Variants in XRCC4 observed in about 807,000 individuals in gnomAD.
XRCC4 encodes the protein X-ray repair cross complementing 4, also known as DNA repair protein XRCC4.
XRCC4 carries 28 observed loss-of-function variants against 39.1 expected under a neutral mutation model. The observed-to-expected ratio is 0.72, with a 90% CI of 0.53 to 0.98. XRCC4 has a LOEUF of 0.98. Among genes scored for constraint, XRCC4 ranks in the 50% least tolerant of loss-of-function variants. XRCC4 has a pLI of 0.00. For missense variants in XRCC4, 350 were observed against 376.4 expected, an observed-to-expected ratio of 0.93 and a Z score of 0.58; for synonymous variants, 123 against 126.4, an observed-to-expected ratio of 0.97 and a Z score of 0.18.
intron 7 of XRCC4, among the ~76,000 whole-genome samples, chr5:83,323,786 T>C (rs1415029440): frequency 1.3e-5 from 2 of 152,082 alleles, no homozygotes; most frequent in African/African-American, 4.8e-5. Flanking sequence ...TTTTGAAATA[T>C]GTTTTCAAGG....
intron 3 of XRCC4, among the ~76,000 whole-genome samples, chr5:83,171,482 TA>T (rs368717293): frequency 1.3e-5 from 2 of 150,428 alleles, no homozygotes; most frequent in African/African-American, 2.4e-5. Flanking sequence ...AACTTACACT[TA>T]AAAAAAAAAT....
chr5:83,168,339 G>T (rs896847714), intron 3 of XRCC4, among the ~76,000 whole-genome samples: 4 of 152,126 alleles, frequency 2.6e-5, no homozygotes, highest in African/African-American at 9.7e-5. Flanking sequence ...TCTGGAGAAT[G>T]TGTATTCACC....
At chr5:83,134,247 G>A (rs898364877) in intron 3 of XRCC4, among the ~76,000 whole-genome samples, 4 of 152,228 alleles carry the variant, frequency 2.6e-5, no homozygotes, top group Admixed American at 2.6e-4. Context: ...CGCGGTGAGT[G>A]CCAGTGAGAG....
At chr5:83,094,342 G>C (rs73138168) in intron 1 of XRCC4, among the ~76,000 whole-genome samples, 57 of 66,802 alleles carry the variant, frequency 8.5e-4, no homozygotes, top group African/African-American at 3.1e-3. Flanking sequence ...CCTTCCCTCC[G>C]CTCCCCTCTC....
At chr5:83,361,323 A>G in the XRCC4 span, among the ~76,000 whole-genome samples, 1 of 152,174 alleles carries the variant, frequency 6.6e-6, no homozygotes, top group African/African-American at 2.4e-5. Context: ...CCTAAGTCTG[A>G]TGCTGTCCTA....
chr5:83,250,204 G>A (rs1235912021), intron 6 of XRCC4, among the ~76,000 whole-genome samples: 1 of 152,128 alleles, frequency 6.6e-6, no homozygotes, highest in Non-Finnish European at 1.5e-5. Flanking sequence ...ACCATTTAAA[G>A]TGCTCTCAGA....
chr5:83,260,956 TATCA>T (rs747367880), intron 7 of XRCC4, among the ~76,000 whole-genome samples: 3 of 152,064 alleles, frequency 2.0e-5, no homozygotes, highest in Non-Finnish European at 2.9e-5. Flanking sequence ...ATTTAGCATG[TATCA>T]GTCAGATGTT....
At chr5:83,171,695 G>GA (rs1305191099) in intron 3 of XRCC4, among the ~76,000 whole-genome samples, 66 of 152,132 alleles carry the variant, frequency 4.3e-4, no homozygotes, top group Non-Finnish European at 4.1e-4. Flanking sequence ...CCCTAGCCTG[G>GA]AAAATAAAGG....
intron 6 of XRCC4, among the ~76,000 whole-genome samples, chr5:83,257,179 A>G (rs1753574121): frequency 6.6e-6 from 1 of 152,136 alleles, no homozygotes; most frequent in Admixed American, 6.6e-5. Flanking sequence ...AAAACCACTC[A>G]TTCTGCAAAA....
At chr5:83,139,509 T>C (rs1003760284) in intron 3 of XRCC4, among the ~76,000 whole-genome samples, 2 of 152,224 alleles carry the variant, frequency 1.3e-5, no homozygotes, top group African/African-American at 4.8e-5. Flanking sequence ...TTTTGTTTCA[T>C]TATACTTTTA....
intron 7 of XRCC4, among the ~76,000 whole-genome samples, chr5:83,340,904 TG>T (rs2112199929): frequency 6.6e-6 from 1 of 152,328 alleles, no homozygotes; most frequent in East Asian, 1.9e-4. Flanking sequence ...TGTCTACCCA[TG>T]TGTTTGCCAC....
At chr5:83,259,936 T>C (rs1753691626) in intron 7 of XRCC4, among the ~76,000 whole-genome samples, 1 of 152,088 alleles carries the variant, frequency 6.6e-6, no homozygotes, top group African/African-American at 2.4e-5. Flanking sequence ...GGCAGCCTAG[T>C]GGGAACATGT....
intron 3 of XRCC4, among the ~76,000 whole-genome samples, chr5:83,151,441 T>C (rs893481854): frequency 6.6e-6 from 1 of 152,156 alleles, no homozygotes; most frequent in Admixed American, 6.5e-5. Context: ...ATGTTTTCCT[T>C]TGCAAAAAGG....
chr5:83,219,544 T>G (rs1310399146), intron 6 of XRCC4, among the ~76,000 whole-genome samples: 1 of 152,172 alleles, frequency 6.6e-6, no homozygotes, highest in African/African-American at 2.4e-5. Flanking sequence ...GAAGAGAAAG[T>G]AACAGCATTC....
chr5:83,145,488 A>G (rs1422523496), intron 3 of XRCC4, among the ~76,000 whole-genome samples: 3 of 152,138 alleles, frequency 2.0e-5, no homozygotes, highest in East Asian at 1.9e-4. Flanking sequence ...TTTGTTTCCT[A>G]TGTGGTAGGT....
At chr5:83,197,361 G>C (rs965726114) in intron 4 of XRCC4, among the ~76,000 whole-genome samples, 11 of 152,016 alleles carry the variant, frequency 7.2e-5, no homozygotes, top group Non-Finnish European at 1.5e-4. Flanking sequence ...CTATGGTCGT[G>C]ATAAGCCATT....
intron 7 of XRCC4, among the ~76,000 whole-genome samples, chr5:83,344,866 C>G (rs904767165): frequency 6.6e-6 from 1 of 152,100 alleles, no homozygotes; most frequent in Admixed American, 6.5e-5. Flanking sequence ...CATTTGCACT[C>G]CTACCAGCAA....
chr5:83,361,053 C>T, the XRCC4 span, among the ~76,000 whole-genome samples: 1 of 152,152 alleles, frequency 6.6e-6, no homozygotes, highest in East Asian at 1.9e-4. Context: ...AGCCAAGTTT[C>T]TACCATGCTT....
intron 6 of XRCC4, among the ~76,000 whole-genome samples, chr5:83,236,111 G>A (rs1296568255): frequency 2.0e-5 from 3 of 151,978 alleles, no homozygotes; most frequent in Non-Finnish European, 4.4e-5. Flanking sequence ...CATGGCTTGC[G>A]AGAATCAATA....
Sources: gnomAD v4.1 joint callset for allele counts (sites outside exome capture counted in the v4.1 genomes callset) on GRCh38, gnomAD v4.1.1 for gene constraint, MANE v1.5 for transcripts, NCBI Gene and HGNC (gene_info 2026-07-23, HGNC 2026-07-21) for gene names.